Variants in CEP76 observed in about 807,000 individuals in gnomAD.
CEP76 encodes centrosomal protein 76.
In CEP76, 55 loss-of-function variants were observed where a neutral mutation model predicts 83.3. The observed-to-expected ratio is 0.66, with a 90% CI of 0.53 to 0.83. The LOEUF (loss-of-function observed/expected upper bound fraction) is 0.83. CEP76 is among the 40% of genes least tolerant of loss of function. The pLI is 0.00. For synonymous variants in CEP76, 270 were observed against 274.5 expected (o/e 0.98, Z 0.16); for missense variants, 694 against 799.5 (o/e 0.87, Z 1.59).
chr18:12,671,642 CTTTTTTTTTTT>C (rs869130220), downstream of CEP76, among the ~76,000 whole-genome samples: 3 of 55,544 alleles, frequency 5.4e-5, no homozygotes, highest in African/African-American at 1.3e-4. Flanking sequence ...TTCACACTTT[CTTTTTTTTTTT>C]TTTTTTTTTT....
At chr18:12,662,645 T>C (rs181883577) in intron 12 of CEP76, among the ~76,000 whole-genome samples, 1 of 152,232 alleles carries the variant, frequency 6.6e-6, no homozygotes, top group African/African-American at 2.4e-5. Context: ...GGCATGGTGG[T>C]GCACACCTAT....
At chr18:12,683,755 T>TA (rs1050925264) in intron 8 of CEP76, among the ~76,000 whole-genome samples, 30 of 146,986 alleles carry the variant, frequency 2.0e-4, no homozygotes, top group African/African-American at 4.7e-4. Flanking sequence ...CTGTCTCATT[T>TA]AAAAAAAAAA....
chr18:12,698,859 A>G, intron 4 of CEP76, 120 bp downstream of exon 4: 1 of 711,636 alleles, frequency 1.4e-6, no homozygotes, highest in East Asian at 2.7e-5. Flanking sequence ...GCAGTGGGAA[A>G]CAAAATAGAG....
chr18:12,702,643 G>A lies in CEP76; in HGVS notation c.-95C>T, dbSNP rs982045549. The A allele has an allele frequency of 5.6e-5, 77 of 1,378,852 alleles. No homozygotes were observed. The highest frequency in any genetic ancestry group is 7.3e-5 in the Non-Finnish European group (75 of 1,024,938). 85.4% of individuals were successfully genotyped at this position (1,378,852 alleles called of 1,614,324 possible). On this transcript the variant is annotated 5_prime_UTR_variant, in exon 1 of 12. Coordinates refer to ENST00000262127, the MANE Select transcript of CEP76 (RefSeq NM_024899.4). ...CCAGGGAGCGTTAGGAGCGACTGGA[G>A]CACAAAGCGCCGCAGCCGTTCGCCT...
chr18:12,695,130 G>C, intron 6 of CEP76, 124 bp downstream of exon 6: 1 of 456,842 alleles, frequency 2.2e-6, no homozygotes, highest in Middle Eastern at 5.9e-4. Flanking sequence ...GTGAACCTTT[G>C]AGTGCTAATC....
chr18:12,674,494 G>T, intron 11 of CEP76, 42 bp downstream of exon 11: 1 of 1,418,518 alleles, frequency 7.0e-7, no homozygotes, highest in Non-Finnish European at 9.9e-7. Context: ...TGATCTGTAA[G>T]ACTCCTAAAC....
chr18:12,663,581 ATCTT>A (rs980498275), intron 12 of CEP76: 2 of 152,146 alleles, frequency 1.3e-5, no homozygotes, highest in Non-Finnish European at 2.9e-5. Flanking sequence ...GCACAAAAAT[ATCTT>A]TATTTTGTAG....
At position 12,677,056 on chromosome 18, in the gene CEP76, G is replaced by A. The variant is rs115477607; in HGVS notation, c.1623+1053C>T. The stretch of plus-strand genomic sequence containing the variant: ...CAATCTCTTAATGTCTTCTCTTGAT[G>A]AGCTTAAGTCTTTAAGATACATTAA... On this transcript the variant is annotated intron_variant, in intron 10 of 11. Coordinates refer to ENST00000262127, the MANE Select transcript of CEP76 (RefSeq NM_024899.4). Among the ~76,000 whole-genome samples, 138 of 152,258 alleles carry A rather than the reference G, an allele frequency of 9.1e-4. 1 individual carries two copies. Among genetic ancestry groups the A allele is most frequent in the African/African-American group, 3.2e-3 (132 of 41,562 alleles).
chr18:12,690,147 C>T (rs940808022), intron 7 of CEP76, among the ~76,000 whole-genome samples: 1 of 152,154 alleles, frequency 6.6e-6, no homozygotes, highest in East Asian at 1.9e-4. Context: ...AATGTTGTTA[C>T]CTTGCCAACC....
At position 12,691,427 on chromosome 18, in the gene CEP76, G is replaced by A; in HGVS notation, c.865C>T (p.Gln289Ter). The A allele has an allele frequency of 6.2e-7, 1 of 1,608,848 alleles. No homozygotes were observed. The highest frequency in any genetic ancestry group is 1.1e-5 in the South Asian group (1 of 90,076). Residue 289 changes from glutamine (Q) to a stop codon, truncating the protein, a stop_gained, in exon 7 of 12, where the codon CAG becomes TAG. Transcript: ENST00000262127. LOFTEE classifies it high-confidence loss of function. ...KERLFLVYAK[Q>*]WWREYLQIRP... is the part of the protein sequence containing the mutation. Reference sequence around the variant, plus strand: ...ATTTGCAAATATTCTCTCCACCACTGCTTAGCATATACAAGAAATAATCGC... The same window carrying A: ...ATTTGCAAATATTCTCTCCACCACTACTTAGCATATACAAGAAATAATCGC...
chr18:12,698,391 A>G (rs1438076187), intron 4 of CEP76, among the ~76,000 whole-genome samples: 12 of 152,018 alleles, frequency 7.9e-5, no homozygotes, highest in Admixed American at 7.2e-4. Flanking sequence ...CTGGTCTCAA[A>G]CTCCTGACCT....
At chr18:12,692,881 T>C (rs939521849) in intron 6 of CEP76, among the ~76,000 whole-genome samples, 3 of 152,220 alleles carry the variant, frequency 2.0e-5, no homozygotes, top group Non-Finnish European at 4.4e-5. Flanking sequence ...GGAGTGCTAC[T>C]GCATGATCAT....
intron 4 of CEP76, among the ~76,000 whole-genome samples, chr18:12,698,035 TTACAGGAATCA>T (rs1346074020): frequency 6.6e-6 from 1 of 151,822 alleles, no homozygotes. Flanking sequence ...TGTAAAACAA[TTACAGGAATCA>T]AGTAGCATAA....
Position 12,673,349 on chromosome 18 carries a change from T to C in CEP76, c.*16A>G, listed in dbSNP as rs377347519. 2 of 1,594,028 alleles carry C rather than the reference T, an allele frequency of 1.3e-6. No individual in the cohort carries two copies. The highest frequency in any genetic ancestry group is 1.7e-6 in the Non-Finnish European group (2 of 1,173,974). Reference sequence around the variant, plus strand: ...TCCAATTAAACACAGGTATAAATCTTATATAAATATTGGCCCTATAATACC... The same window carrying C: ...TCCAATTAAACACAGGTATAAATCTCATATAAATATTGGCCCTATAATACC... On this transcript the variant is annotated 3_prime_UTR_variant, in exon 12 of 12. Transcript: ENST00000262127.
rs1260644709 is a variant in CEP76 at position 12,701,026 on chromosome 18, C to A, written c.151G>T (p.Asp51Tyr). The change falls in exon 2 of 12, where the codon GAT becomes TAT. Residue 51 changes from aspartate to tyrosine, a missense_variant. Transcript: ENST00000262127. ...APDQQHLSTEDLIKALRRRGI... is the reference protein window; with the variant it reads ...APDQQHLSTEYLIKALRRRGI... ...CGACGTCTAAGGGCTTTGATCAAAT[C>A]TTCTGTTGATAAATGCTGTTGATCA... 3.1e-6 allele frequency: 5 copies of A among 1,613,376 alleles called. No individual in the cohort carries two copies. The highest frequency in any genetic ancestry group is 3.4e-6 in the Non-Finnish European group (4 of 1,179,848).
chr18:12,691,340 T>C lies in CEP76; in HGVS notation c.933+19A>G, dbSNP rs1258429323. ...ATCTCAAATACAGGCATAAAATTAT[T>C]CTAATATAATTTACAAACCTGTGCA... On this transcript the variant is annotated intron_variant, in intron 7 of 11. Transcript: ENST00000262127. 1 of 1,507,006 alleles carries C rather than the reference T, an allele frequency of 6.6e-7. No homozygotes were observed. Among genetic ancestry groups the C allele is most frequent in the Non-Finnish European group, 9.0e-7 (1 of 1,115,936 alleles). The allele number at this position is 1,507,006 out of a possible 1,614,324, so 93.4% of individuals were successfully genotyped here. A position where few individuals can be genotyped will look rare whatever the true frequency, so the allele number is the denominator to read the frequency against.
At position 12,697,383 on chromosome 18, in the gene CEP76, TG is replaced by T; in HGVS notation, c.545del (p.Ser182Ter). On this transcript the variant is annotated frameshift_variant, in exon 5 of 12. Transcript: ENST00000262127. LOFTEE classifies it high-confidence loss of function. Reference sequence around the variant, plus strand: ...GATCACTTATTGATAACATTGTTGTTGAATCAGCCATTCTAGTTCCATCACC... The same window carrying T: ...GATCACTTATTGATAACATTGTTGTTAATCAGCCATTCTAGTTCCATCACC... ...SLGDGTRMAD[S>X]TTMLSISDPI... 1 of 1,611,204 alleles carries T rather than the reference TG, an allele frequency of 6.2e-7. No homozygotes were observed. The highest frequency in any genetic ancestry group is 8.5e-7 in the Non-Finnish European group (1 of 1,178,524).
At chr18:12,690,781 C>T (rs753004761) in intron 7 of CEP76, among the ~76,000 whole-genome samples, 228 of 152,124 alleles carry the variant, frequency 1.5e-3, no homozygotes, top group Non-Finnish European at 2.4e-3. Flanking sequence ...TTATATTGGT[C>T]TGTTAAAGAG....
chr18:12,671,642 CTTTTTTTTTTTTTTT>C (rs869130220), downstream of CEP76, among the ~76,000 whole-genome samples: 1 of 55,544 alleles, frequency 1.8e-5, no homozygotes, highest in Non-Finnish European at 3.6e-5. Context: ...TTCACACTTT[CTTTTTTTTTTTTTTT>C]TTTTTTTTTG....
Sources: gnomAD v4.1 joint callset for allele counts (sites outside exome capture counted in the v4.1 genomes callset) on GRCh38, gnomAD v4.1.1 for gene constraint, MANE v1.5 for transcripts, NCBI Gene and HGNC (gene_info 2026-07-23, HGNC 2026-07-21) for gene names.